The following SLC25A48 variants were observed in gnomAD, a reference collection of about 807,000 sequenced individuals.
The protein encoded by SLC25A48 is CTC-321K16.1.
In SLC25A48, 29 loss-of-function variants were observed where a neutral mutation model predicts 32.2. The ratio of observed to expected loss-of-function variants is 0.90; its 90% CI spans 0.67 to 1.23. SLC25A48 has a LOEUF of 1.23. Ranked by LOEUF, SLC25A48 falls within the 50% of genes most tolerant of loss-of-function variation. The pLI is 0.00. For synonymous variants in SLC25A48, 164 were observed against 172.3 expected (o/e 0.95, Z 0.38); for missense variants, 399 against 422.7 (o/e 0.94, Z 0.49).
chr5:135,680,856 A>G (rs1011320362), intron 3 of SLC25A48, among the ~76,000 whole-genome samples: 4 of 152,136 alleles, frequency 2.6e-5, no homozygotes, highest in Non-Finnish European at 5.9e-5. Context: ...TTTTTTGTCC[A>G]TCCTCTCTCT....
chr5:135,623,081 C>T (rs552992375), intron 1 of SLC25A48, among the ~76,000 whole-genome samples: 42 of 152,284 alleles, frequency 2.8e-4, no homozygotes, highest in African/African-American at 1.0e-3. Context: ...TGCTAAGGCA[C>T]CTCTCCATCC....
chr5:135,876,128 C>CTTTTTTTTTT (rs1402681382), intron 6 of SLC25A48: 677 of 47,792 alleles, frequency 0.014, 45 homozygotes, highest in East Asian at 0.041. Context: ...TTTTTTTCTT[C>CTTTTTTTTTT]TTCTTTTTTT....
chr5:135,707,965 T>G (rs1754560869), intron 3 of SLC25A48, among the ~76,000 whole-genome samples: 2 of 152,094 alleles, frequency 1.3e-5, no homozygotes, highest in African/African-American at 4.8e-5. Flanking sequence ...GATGGATGGA[T>G]GGATTGGCTA....
intron 3 of SLC25A48, among the ~76,000 whole-genome samples, chr5:135,658,213 G>T (rs1318641300): frequency 6.6e-6 from 1 of 152,202 alleles, no homozygotes; most frequent in African/African-American, 2.4e-5. Context: ...AAGATACAAT[G>T]GAGGTACAGG....
chr5:135,603,788 T>A (rs372648049), intron 1 of SLC25A48, among the ~76,000 whole-genome samples: 1 of 152,196 alleles, frequency 6.6e-6, no homozygotes, highest in Non-Finnish European at 1.5e-5. Context: ...TCTGGAGTGC[T>A]AGAAGAGGCC....
intron 3 of SLC25A48, among the ~76,000 whole-genome samples, chr5:135,684,046 A>G (rs1026415750): frequency 6.6e-6 from 1 of 152,218 alleles, no homozygotes; most frequent in African/African-American, 2.4e-5. Flanking sequence ...TTTCTTGAAC[A>G]TCTTCCACCT....
At chr5:135,662,863 A>G (rs999061285) in intron 3 of SLC25A48, among the ~76,000 whole-genome samples, 3 of 151,976 alleles carry the variant, frequency 2.0e-5, no homozygotes, top group South Asian at 2.1e-4. Context: ...GTGCATCCCA[A>G]TAATATCCAC....
At chr5:135,654,965 C>G (rs59356627) in intron 3 of SLC25A48, among the ~76,000 whole-genome samples, 1 of 152,288 alleles carries the variant, frequency 6.6e-6, no homozygotes, top group Non-Finnish European at 1.5e-5. Context: ...TGTATTGAAA[C>G]GACATCCATC....
At chr5:135,719,782 C>T (rs1754904884) in intron 3 of SLC25A48, among the ~76,000 whole-genome samples, 1 of 152,296 alleles carries the variant, frequency 6.6e-6, no homozygotes, top group African/African-American at 2.4e-5. Flanking sequence ...TGGATTGCAT[C>T]TGCATTGACC....
At chr5:135,735,686 G>A (rs150354120) in intron 3 of SLC25A48, among the ~76,000 whole-genome samples, 172 of 152,280 alleles carry the variant, frequency 1.1e-3, no homozygotes, top group African/African-American at 3.8e-3. Context: ...TGGAGCCAGC[G>A]GTTGTCAGTG....
At chr5:135,644,566 A>G (rs1561771933) in intron 3 of SLC25A48, among the ~76,000 whole-genome samples, 1 of 152,252 alleles carries the variant, frequency 6.6e-6, no homozygotes, top group South Asian at 2.1e-4. Context: ...TATATTCATT[A>G]TCATTAGTCT....
intron 3 of SLC25A48, among the ~76,000 whole-genome samples, chr5:135,710,128 G>A (rs1165581701): frequency 6.6e-6 from 1 of 152,218 alleles, no homozygotes; most frequent in African/African-American, 2.4e-5. Flanking sequence ...GAGGCCCCAA[G>A]TGTGTCACTG....
At chr5:135,705,573 CT>C (rs535575797) in intron 3 of SLC25A48, among the ~76,000 whole-genome samples, 57 of 152,324 alleles carry the variant, frequency 3.7e-4, no homozygotes, top group African/African-American at 1.3e-3. Flanking sequence ...AGACCATGCA[CT>C]AACATTATTT....
chr5:135,688,224 G>A (rs373088639), intron 3 of SLC25A48, among the ~76,000 whole-genome samples: 17 of 152,208 alleles, frequency 1.1e-4, no homozygotes, highest in African/African-American at 4.1e-4. Context: ...TTTTAAGGCT[G>A]AATAATATTC....
At chr5:135,633,066 T>C (rs969108578) in intron 2 of SLC25A48, among the ~76,000 whole-genome samples, 3 of 152,170 alleles carry the variant, frequency 2.0e-5, no homozygotes, top group Non-Finnish European at 2.9e-5. Flanking sequence ...AGACGGGCAG[T>C]TATCTCTGCA....
intron 3 of SLC25A48, among the ~76,000 whole-genome samples, chr5:135,797,463 C>T (rs570043667): frequency 5.9e-5 from 9 of 151,854 alleles, no homozygotes; most frequent in African/African-American, 1.7e-4. Flanking sequence ...GGGCTAGAGG[C>T]TGATATTATT....
chr5:135,619,632 T>C (rs74567709), intron 1 of SLC25A48, among the ~76,000 whole-genome samples: 6,329 of 152,328 alleles, frequency 0.042, 168 homozygotes, highest in Non-Finnish European at 0.049. Flanking sequence ...TCCAATGTTT[T>C]GAATTTGCTT....
At chr5:135,684,148 T>C (rs1753963560) in intron 3 of SLC25A48, among the ~76,000 whole-genome samples, 1 of 152,106 alleles carries the variant, frequency 6.6e-6, no homozygotes, top group Non-Finnish European at 1.5e-5. Context: ...AAATGAAAAA[T>C]CCATGAGCAG....
chr5:135,845,140 G>C (rs544738299), intron 2 of SLC25A48, among the ~76,000 whole-genome samples: 12 of 152,184 alleles, frequency 7.9e-5, no homozygotes, highest in African/African-American at 2.7e-4. Context: ...TGGAGGCTCC[G>C]AGGGAGAACC....
Sources: gnomAD v4.1 joint callset for allele counts (sites outside exome capture counted in the v4.1 genomes callset) on GRCh38, gnomAD v4.1.1 for gene constraint, MANE v1.5 for transcripts, NCBI Gene and HGNC (gene_info 2026-07-23, HGNC 2026-07-21) for gene names.